The following WDR72 variants were observed in gnomAD, a reference collection of about 807,000 sequenced individuals.
The protein encoded by WDR72 is WD repeat-containing protein 72.
In WDR72, 120 loss-of-function variants were observed where a neutral mutation model predicts 124.2. The observed-to-expected ratio is 0.97, with a 90% CI of 0.83 to 1.12. The LOEUF (loss-of-function observed/expected upper bound fraction) is 1.12. Among genes scored for constraint, WDR72 ranks in the 50% most tolerant of loss-of-function variants. The pLI, the probability that WDR72 is intolerant of heterozygous loss-of-function variation, is 0.00. For synonymous variants in WDR72, 452 were observed against 441.7 expected (o/e 1.02, Z -0.29); for missense variants, 1,387 against 1,278.8 (o/e 1.08, Z -1.29).
At chr15:53,667,100 C>G (rs2015804951) in intron 13 of WDR72, among the ~76,000 whole-genome samples, 1 of 152,152 alleles carries the variant, frequency 6.6e-6, no homozygotes, top group South Asian at 2.1e-4. Flanking sequence ...GCCTGTAATC[C>G]CAGCACTTTT....
In WDR72 at chr15:53,608,932, T is replaced by C. The variant is rs28533408; in HGVS notation, c.2952+581A>G. On this transcript the variant is annotated intron_variant, in intron 17 of 19. Coordinates refer to ENST00000360509, the MANE Select transcript of WDR72 (RefSeq NM_182758.4). ...GAAAGAATGAATAATACCTACTATT[T>C]GATAGCACAACAGGGTGATTATAGT... Among the ~76,000 whole-genome samples, 876 of 152,154 alleles carry C rather than the reference T, an allele frequency of 5.8e-3. 8 individuals are homozygous for C. Among genetic ancestry groups the C allele is most frequent in the African/African-American group, 0.021 (855 of 41,530 alleles).
At chr15:53,683,799 A>T (rs1402629964) in intron 13 of WDR72, among the ~76,000 whole-genome samples, 1 of 152,122 alleles carries the variant, frequency 6.6e-6, no homozygotes, top group South Asian at 2.1e-4. Context: ...TTTTTTAAAA[A>T]GTATACGGAT....
At chr15:53,760,861 C>T (rs1567069371), upstream of WDR72, among the ~76,000 whole-genome samples, 2 of 152,176 alleles carry the variant, frequency 1.3e-5, no homozygotes. Flanking sequence ...CAATGGCTCA[C>T]ATTTGTAATT....
chr15:53,547,019 A>T (rs550344112), intron 18 of WDR72, among the ~76,000 whole-genome samples: 1 of 152,378 alleles, frequency 6.6e-6, no homozygotes, highest in East Asian at 1.9e-4. Flanking sequence ...AATACTTAAT[A>T]AAATAGGATT....
In WDR72 at chr15:53,513,961, C is replaced by T. The variant is rs1891308201; in HGVS notation, c.*3738G>A. 1 of 152,086 alleles carries T rather than the reference C, an allele frequency of 6.6e-6. No individual in the cohort carries two copies. Among genetic ancestry groups the T allele is most frequent in the Admixed American group, 6.6e-5 (1 of 15,260 alleles). The allele number at this position is 152,086 out of a possible 1,614,324, so 9.4% of individuals were successfully genotyped here. On this transcript the variant is annotated 3_prime_UTR_variant, in exon 20 of 20. Coordinates refer to ENST00000360509, the MANE Select transcript of WDR72 (RefSeq NM_182758.4). ...CCAGTGGCATGCTCTTACAGACAGA[C>T]CTGTTAATTTCCAGTTTACCTTCTC...
At chr15:53,724,124 C>T (rs1390852706) in intron 2 of WDR72, among the ~76,000 whole-genome samples, 1 of 152,102 alleles carries the variant, frequency 6.6e-6, no homozygotes, top group Non-Finnish European at 1.5e-5. Context: ...CTCATAGAAA[C>T]AGAATTAGTG....
At chr15:53,535,066 T>G (rs769078793) in intron 18 of WDR72, among the ~76,000 whole-genome samples, 2 of 152,238 alleles carry the variant, frequency 1.3e-5, no homozygotes, top group African/African-American at 4.8e-5. Context: ...TAAAGAGGAT[T>G]TGTCATAATT....
In WDR72 at chr15:53,601,762, G is replaced by C. The variant is rs192189558; in HGVS notation, c.2953-4488C>G. Among the ~76,000 whole-genome samples the C allele has an allele frequency of 6.0e-3, 907 of 152,102 alleles. 8 individuals are homozygous for C. Among genetic ancestry groups the C allele is most frequent in the Non-Finnish European group, 0.01 (688 of 67,956 alleles). ...ACAAAGAAAGACATTATTACATAAG[G>C]GTAAAGGGTTCAATTCAACAGGAAG... On this transcript the variant is annotated intron_variant, in intron 17 of 19. Transcript: ENST00000360509.
chr15:53,593,155 T>C (rs2012591497), intron 18 of WDR72, among the ~76,000 whole-genome samples: 1 of 152,106 alleles, frequency 6.6e-6, no homozygotes, highest in Admixed American at 6.6e-5. Flanking sequence ...GTGATTTTCT[T>C]TATTATGAGG....
At chr15:53,589,673 A>C (rs1347396342) in intron 18 of WDR72, among the ~76,000 whole-genome samples, 2 of 152,038 alleles carry the variant, frequency 1.3e-5, no homozygotes, top group African/African-American at 4.8e-5. Context: ...TGGTGCCTGC[A>C]CGACTGTTAC....
Position 53,615,476 on chromosome 15 carries a change from T to C in WDR72, c.2730A>G (p.Leu910=). Residue 910 remains leucine, a synonymous_variant, in exon 15 of 20, where the codon TTA becomes TTG. Transcript: ENST00000360509. ...AAGGCATGTTAACTAATTTATTAACTAAAAATAGTCTGCTCAACAAATAAA... is the reference window on the plus strand; with the variant it reads ...AAGGCATGTTAACTAATTTATTAACCAAAAATAGTCTGCTCAACAAATAAA... ...TIVYLLSRLF[L]VNKLVNMPLE... 1.2e-6 allele frequency: 2 copies of C among 1,612,254 alleles called. No individual in the cohort carries two copies. Among genetic ancestry groups the C allele is most frequent in the Non-Finnish European group, 1.7e-6 (2 of 1,179,126 alleles).
chr15:53,538,109 ATAAAT>A (rs760306603), intron 18 of WDR72, among the ~76,000 whole-genome samples: 24 of 152,298 alleles, frequency 1.6e-4, no homozygotes, highest in South Asian at 4.1e-4. Flanking sequence ...TTTTTTGCTG[ATAAAT>A]TAAATAAAAA....
At chr15:53,625,251 A>G (rs929555832) in intron 14 of WDR72, among the ~76,000 whole-genome samples, 12 of 152,244 alleles carry the variant, frequency 7.9e-5, no homozygotes, top group African/African-American at 2.9e-4. Context: ...GAGTAAATAC[A>G]AATTTTAAGT....
At chr15:53,744,189 A>C (rs939346291) in intron 1 of WDR72, among the ~76,000 whole-genome samples, 1 of 152,180 alleles carries the variant, frequency 6.6e-6, no homozygotes, top group Non-Finnish European at 1.5e-5. Context: ...GTACATAATG[A>C]GCTATGAAGA....
intron 11 of WDR72, among the ~76,000 whole-genome samples, chr15:53,704,669 G>C (rs774611534): frequency 4.7e-4 from 70 of 148,730 alleles, no homozygotes; most frequent in Non-Finnish European, 9.3e-4. Flanking sequence ...GGGACTACAG[G>C]TGCCCGCCAC....
intron 14 of WDR72, among the ~76,000 whole-genome samples, chr15:53,628,893 A>T (rs80228749): frequency 0.014 from 2,150 of 152,244 alleles, 57 homozygotes; most frequent in African/African-American, 0.05. Flanking sequence ...ACGGGAAGAA[A>T]CACAAAGTGC....
intron 18 of WDR72, among the ~76,000 whole-genome samples, chr15:53,567,660 A>G (rs16966224): frequency 0.2 from 30,242 of 151,802 alleles, 4,986 homozygotes; most frequent in African/African-American, 0.46. Flanking sequence ...CTAAAAACTA[A>G]GACTGGACCA....
At chr15:53,685,815 G>C (rs1394526028) in intron 13 of WDR72, among the ~76,000 whole-genome samples, 2 of 144,772 alleles carry the variant, frequency 1.4e-5, no homozygotes, top group Non-Finnish European at 3.0e-5. Flanking sequence ...AGAGAGAAAG[G>C]TCGGGTTACC....
At chr15:53,623,907 C>T (rs893201959) in intron 14 of WDR72, among the ~76,000 whole-genome samples, 1 of 152,076 alleles carries the variant, frequency 6.6e-6, no homozygotes, top group African/African-American at 2.4e-5. Context: ...AACTCATTGT[C>T]GTTTAGAGTT....
Sources: gnomAD v4.1 joint callset for allele counts (sites outside exome capture counted in the v4.1 genomes callset) on GRCh38, gnomAD v4.1.1 for gene constraint, MANE v1.5 for transcripts, NCBI Gene and HGNC (gene_info 2026-07-23, HGNC 2026-07-21) for gene names.